PGAP3: variants seen among roughly 807,000 people sequenced by gnomAD.
PGAP3 encodes post-GPI attachment to proteins phospholipase 3.
In PGAP3, 31 loss-of-function variants were observed where a neutral mutation model predicts 40.3. The observed-to-expected ratio is 0.77, with a 90% CI of 0.58 to 1.04. The LOEUF is 1.04. Among genes scored for constraint, PGAP3 ranks in the 50% least tolerant of loss-of-function variants. PGAP3 has a pLI of 0.00. For missense variants in PGAP3, 413 were observed against 423.0 expected (o/e 0.98, Z 0.21); for synonymous variants, 191 against 184.5 (o/e 1.04, Z -0.29).
chr17:39,674,731 C>A (rs1379031347), intron 3 of PGAP3, 52 bp from the exon 4 acceptor site: 25 of 1,486,172 alleles, frequency 1.7e-5, no homozygotes, highest in Admixed American at 4.0e-5. Context: ...GACCTCAAGG[C>A]AGGGACCCCC....
At chr17:39,679,788 T>G (rs542703273) in intron 3 of PGAP3, among the ~76,000 whole-genome samples, 2 of 152,274 alleles carry the variant, frequency 1.3e-5, no homozygotes, top group South Asian at 4.2e-4. Context: ...CCATCTACTC[T>G]TCTACTCCTA....
rs971540116 is a variant in PGAP3 at position 39,672,241 on chromosome 17, A to G, written c.*562T>C. ...GGCCTCCTGGGAACCTGGCTAGGGC[A>G]ATGGTCAGGGTGAAACTCCTTCCCA... On this transcript the variant is annotated 3_prime_UTR_variant, in exon 8 of 8. Coordinates refer to ENST00000300658, the MANE Select transcript of PGAP3 (RefSeq NM_033419.5). 1 of 156,874 alleles carries G rather than the reference A, an allele frequency of 6.4e-6. No homozygotes were observed. The highest frequency in any genetic ancestry group is 2.4e-5 in the African/African-American group (1 of 41,470). 9.7% of individuals were successfully genotyped at this position (156,874 alleles called of 1,614,324 possible).
intron 1 of PGAP3, among the ~76,000 whole-genome samples, chr17:39,686,507 C>T (rs2057527902): frequency 6.6e-6 from 1 of 150,468 alleles, no homozygotes; most frequent in South Asian, 2.1e-4. Context: ...CTGCCTGCCT[C>T]TGCCACCTAA....
intron 3 of PGAP3, among the ~76,000 whole-genome samples, chr17:39,675,043 ACC>A (rs776023876): frequency 1.2e-4 from 9 of 75,672 alleles, no homozygotes; most frequent in Admixed American, 3.4e-4. Context: ...TGACAGCACC[ACC>A]CCACCCGGGC....
intron 3 of PGAP3, among the ~76,000 whole-genome samples, chr17:39,682,225 CAAAAAAAAAAAAAA>C (rs60959390): frequency 0.013 from 300 of 22,824 alleles, 2 homozygotes; most frequent in African/African-American, 0.038. Flanking sequence ...GACTCTGTCT[CAAAAAAAAAAAAAA>C]AAAAAAAAAA....
chr17:39,687,166 A>C (rs1023091763), intron 1 of PGAP3, among the ~76,000 whole-genome samples: 1 of 152,220 alleles, frequency 6.6e-6, no homozygotes, highest in East Asian at 1.9e-4. Context: ...GTGGTCAAAC[A>C]GGCCAGAACT....
At chr17:39,685,053 A>G in intron 2 of PGAP3, 1 of 305,630 alleles carries the variant, frequency 3.3e-6, no homozygotes, top group Non-Finnish European at 6.1e-6. Flanking sequence ...GTTGCCATCC[A>G]GAAGACACAG....
At chr17:39,674,292 G>A (rs918583661) in intron 4 of PGAP3, among the ~76,000 whole-genome samples, 2 of 152,174 alleles carry the variant, frequency 1.3e-5, no homozygotes, top group African/African-American at 2.4e-5. Flanking sequence ...ACATGACCAC[G>A]CTGCACAGAA....
In PGAP3 at chr17:39,684,736, C is replaced by A. The variant is rs780641457; in HGVS notation, c.293G>T (p.Arg98Leu). 6.2e-7 allele frequency: 1 copy of A among 1,606,406 alleles called. No individual in the cohort carries two copies. Among genetic ancestry groups the A allele is most frequent in the Non-Finnish European group, 8.5e-7 (1 of 1,176,554 alleles). ...TGCCGGCTCTTGAAAGAACAGGAAC[C>A]GGGAGAAGGGCCACTGAAAAAGGAG... ...PQFHGKWPFS[R>L]FLFFQEPASA... The change falls in exon 3 of 8, where the codon CGG becomes CTG. Residue 98 changes from arginine to leucine, a missense_variant. Arg to Leu is a moderately radical substitution (Grantham distance 102). Coordinates refer to ENST00000300658, the MANE Select transcript of PGAP3 (RefSeq NM_033419.5).
chr17:39,684,709 G>A lies in PGAP3; in HGVS notation c.320C>T (p.Ser107Leu), dbSNP rs202146344. 4.1e-4 allele frequency: 661 copies of A among 1,612,668 alleles called. No homozygotes were observed. The highest frequency in any genetic ancestry group is 5.5e-4 in the Non-Finnish European group (647 of 1,179,356). The change falls in exon 3 of 8, where the codon TCG becomes TTG. Residue 107 changes from serine to leucine, a missense_variant. Transcript: ENST00000300658. ...GCCATTGAGAAACGAGGCCACGGCC[G>A]ATGCCGGCTCTTGAAAGAACAGGAA... The part of the protein sequence containing the change: ...SRFLFFQEPA[S>L]AVASFLNGLA...
intron 4 of PGAP3, 127 bp downstream of exon 4, chr17:39,674,490 T>C (rs2057350600): frequency 9.7e-7 from 1 of 1,030,696 alleles, no homozygotes; most frequent in Non-Finnish European, 1.4e-6. Flanking sequence ...AGGTTTAGGA[T>C]GCCCACCCCA....
intron 2 of PGAP3, 57 bp from the exon 3 acceptor site, chr17:39,684,806 G>A: frequency 6.7e-7 from 1 of 1,493,732 alleles, no homozygotes; most frequent in Non-Finnish European, 8.9e-7. Context: ...AACTGGCCCA[G>A]TCCACCTATT....
chr17:39,680,660 C>T (rs77502223), intron 3 of PGAP3, among the ~76,000 whole-genome samples: 7 of 152,240 alleles, frequency 4.6e-5, no homozygotes, highest in East Asian at 3.9e-4. Flanking sequence ...GTGCTCATCC[C>T]GGGAAGCACA....
At chr17:39,685,502 A>C (rs944925418) in intron 2 of PGAP3, among the ~76,000 whole-genome samples, 1 of 151,188 alleles carries the variant, frequency 6.6e-6, no homozygotes, top group African/African-American at 2.4e-5. Context: ...AAAAAAAAAA[A>C]CAAAAAACAA....
At chr17:39,683,593 G>T (rs970833193) in intron 3 of PGAP3, among the ~76,000 whole-genome samples, 1 of 152,204 alleles carries the variant, frequency 6.6e-6, no homozygotes, top group Non-Finnish European at 1.5e-5. Context: ...TGAGTGAATG[G>T]AAATTTTTTC....
intron 5 of PGAP3, 149 bp downstream of exon 5, chr17:39,673,844 G>C (rs1597813023): frequency 2.5e-6 from 3 of 1,212,682 alleles, no homozygotes; most frequent in East Asian, 5.1e-5. Flanking sequence ...TCCTACCCCA[G>C]AGTCCTCACC....
intron 1 of PGAP3, 32 bp from the exon 2 acceptor site, chr17:39,686,051 C>T: frequency 1.3e-6 from 2 of 1,581,288 alleles, no homozygotes; most frequent in Non-Finnish European, 1.7e-6. Context: ...TGGTGAACTC[C>T]CCAGCACAGA....
intron 3 of PGAP3, 25 bp downstream of exon 3, chr17:39,684,572 G>C: frequency 1.3e-6 from 2 of 1,595,920 alleles, no homozygotes; most frequent in South Asian, 2.3e-5. Flanking sequence ...AGAGGAGACA[G>C]CAGGAGTCCT....
chr17:39,681,947 G>A (rs113831251), intron 3 of PGAP3, among the ~76,000 whole-genome samples: 4,919 of 151,836 alleles, frequency 0.032, 113 homozygotes, highest in African/African-American at 0.059. Context: ...TGGGCCGGGC[G>A]CAGTGGCTCA....
Sources: allele counts gnomAD v4.1 joint callset (sites outside exome capture counted in the v4.1 genomes callset), GRCh38; gene constraint gnomAD v4.1.1; transcripts MANE v1.5; gene names NCBI Gene and HGNC (gene_info 2026-07-23, HGNC 2026-07-21).